TICRR: variants seen among roughly 807,000 people sequenced by gnomAD.
TICRR encodes the protein treslin.
A neutral mutation model predicts 178.1 loss-of-function variants in TICRR; 132 were observed. The ratio of observed to expected loss-of-function variants is 0.74; its 90% CI spans 0.64 to 0.86. TICRR has a LOEUF of 0.86. Among genes scored for constraint, TICRR ranks in the 40% least tolerant of loss-of-function variants. The pLI is 0.00. For missense variants in TICRR, 2,587 were observed against 2,334.3 expected (o/e 1.11, Z -2.23); for synonymous variants, 991 against 900.7 (o/e 1.10, Z -1.79).
At chr15:89,582,428 C>A (rs1962744228) in intron 1 of TICRR, 2 of 401,744 alleles carry the variant, frequency 5.0e-6, no homozygotes, top group East Asian at 4.5e-5. Flanking sequence ...TCTTTCTGTT[C>A]CTTGACAAAA....
At chr15:89,583,813 A>G (rs751232969) in intron 2 of TICRR, among the ~76,000 whole-genome samples, 10 of 149,966 alleles carry the variant, frequency 6.7e-5, no homozygotes, top group Non-Finnish European at 1.3e-4. Context: ...CAGTCTCCCA[A>G]GTAGCTGGGA....
intron 5 of TICRR, among the ~76,000 whole-genome samples, chr15:89,593,664 C>A (rs1193380572): frequency 6.6e-6 from 1 of 152,172 alleles, no homozygotes; most frequent in African/African-American, 2.4e-5. Flanking sequence ...CAAGATCGCG[C>A]CACTGCACTC....
At chr15:89,603,177 CAAT>C (rs1471141005) in intron 13 of TICRR, among the ~76,000 whole-genome samples, 5 of 152,062 alleles carry the variant, frequency 3.3e-5, no homozygotes, top group African/African-American at 9.7e-5. Flanking sequence ...ACTCATAAAA[CAAT>C]AACTAAAATA....
At chr15:89,615,625 T>TA (rs1963323421) in intron 15 of TICRR, among the ~76,000 whole-genome samples, 1 of 152,190 alleles carries the variant, frequency 6.6e-6, no homozygotes, top group Non-Finnish European at 1.5e-5. Context: ...TCACCATTCT[T>TA]ACTGGCATCA....
chr15:89,577,442 C>T (rs751480765), intron 1 of TICRR, among the ~76,000 whole-genome samples: 2 of 152,046 alleles, frequency 1.3e-5, no homozygotes, highest in Non-Finnish European at 2.9e-5. Context: ...GCCTACCACA[C>T]TGTTTGAGCT....
intron 13 of TICRR, among the ~76,000 whole-genome samples, chr15:89,605,924 A>G (rs1257653504): frequency 6.6e-6 from 1 of 152,240 alleles, no homozygotes; most frequent in African/African-American, 2.4e-5. Context: ...TAGCAAGTAC[A>G]TAGCAGTCTG....
rs1963509896 is a variant in TICRR, at chr15:89,625,712, A to G, written c.5402A>G (p.Lys1801Arg). The change falls in exon 20 of 22, where the codon AAG becomes AGG. Residue 1801 changes from lysine (K) to arginine (R), a missense_variant. Coordinates refer to ENST00000268138, the MANE Select transcript of TICRR (RefSeq NM_152259.4). ...CDLREDSEVS[K>R]SKEGSPSWSA... Reference sequence around the variant, plus strand: ...CTGAGAGAAGATTCAGAAGTTAGTAAGAGTAAAGAGGGGTCTCCAAGTTGG... The same window carrying G: ...CTGAGAGAAGATTCAGAAGTTAGTAGGAGTAAAGAGGGGTCTCCAAGTTGG... 4 of 1,612,910 alleles carry G rather than the reference A, an allele frequency of 2.5e-6. No individual in the cohort carries two copies. The highest frequency in any genetic ancestry group is 3.4e-6 in the Non-Finnish European group (4 of 1,179,782).
intron 14 of TICRR, among the ~76,000 whole-genome samples, chr15:89,608,067 G>T (rs946913345): frequency 2.0e-5 from 3 of 152,098 alleles, no homozygotes; most frequent in African/African-American, 7.2e-5. Flanking sequence ...ATCATAACAT[G>T]GGATATATTA....
intron 7 of TICRR, 133 bp downstream of exon 7, chr15:89,595,744 G>A: frequency 1.5e-6 from 1 of 661,026 alleles, no homozygotes. Flanking sequence ...TAAATAATAA[G>A]ATAATGTGCT....
chr15:89,578,491 AG>A (rs1337390539), intron 1 of TICRR, among the ~76,000 whole-genome samples: 2 of 152,224 alleles, frequency 1.3e-5, no homozygotes, highest in Non-Finnish European at 2.9e-5. Context: ...GTCAAGCCTT[AG>A]ACACAGTATA....
At chr15:89,581,793 A>G (rs543227710) in intron 1 of TICRR, among the ~76,000 whole-genome samples, 3 of 152,280 alleles carry the variant, frequency 2.0e-5, no homozygotes, top group Non-Finnish European at 4.4e-5. Context: ...TGACCAGAGA[A>G]GTGATTTGGA....
Position 89,575,548 on chromosome 15 carries a change from G to A in TICRR, c.-39G>A. 6.9e-7 allele frequency: 1 copy of A among 1,443,696 alleles called. No homozygotes were observed. The highest frequency in any genetic ancestry group is 9.0e-7 in the Non-Finnish European group (1 of 1,105,940). 89.4% of individuals were successfully genotyped at this position (1,443,696 alleles called of 1,614,324 possible). A position where few individuals can be genotyped will look rare whatever the true frequency, so the allele number is the denominator to read the frequency against. ...GGAAGGGACTAAGGGACGGTGGCGC[G>A]GGCCCGGACCGGGGCCCCGGGGCGG... On this transcript the variant is annotated 5_prime_UTR_variant, in exon 1 of 22. Transcript: ENST00000268138.
At chr15:89,621,000 C>T (rs1001151084) in intron 18 of TICRR, among the ~76,000 whole-genome samples, 1 of 150,656 alleles carries the variant, frequency 6.6e-6, no homozygotes, top group Non-Finnish European at 1.5e-5. Flanking sequence ...GGATTACAGG[C>T]GTGAGCCACT....
At chr15:89,602,720 T>G in intron 12 of TICRR, 76 bp from the exon 13 acceptor site, 1 of 650,908 alleles carries the variant, frequency 1.5e-6, no homozygotes, top group Non-Finnish European at 2.3e-6. Flanking sequence ...TTATTTTACT[T>G]AGACTCCAGT....
Position 89,618,137 on chromosome 15 carries a change from A to G in TICRR, c.2961-15A>G. ...AAGTGGTATGGAGTAATCCTTGTGC[A>G]TGTGGTTCCTCGAGGTCCTCTGATC... On this transcript the variant is annotated splice_polypyrimidine_tract_variant and intron_variant, in intron 16 of 21. Coordinates refer to ENST00000268138, the MANE Select transcript of TICRR (RefSeq NM_152259.4). 2 of 1,613,798 alleles carry G rather than the reference A, an allele frequency of 1.2e-6. No homozygotes were observed. The highest frequency in any genetic ancestry group is 1.7e-6 in the Non-Finnish European group (2 of 1,179,704).
At chr15:89,594,807 T>G (rs972550808) in intron 6 of TICRR, among the ~76,000 whole-genome samples, 1 of 152,238 alleles carries the variant, frequency 6.6e-6, no homozygotes, top group African/African-American at 2.4e-5. Context: ...TGTGTTCTGC[T>G]TATTAGTATT....
rs962608988 is a variant in TICRR at position 89,621,395 on chromosome 15, C to T, written c.3157C>T (p.Gln1053Ter). 12 of 1,591,294 alleles carry T rather than the reference C, an allele frequency of 7.5e-6. No individual in the cohort carries two copies. The highest frequency in any genetic ancestry group is 9.4e-6 in the Non-Finnish European group (11 of 1,173,802). The stretch of plus-strand genomic sequence containing the variant: ...TTGTTGCTGTTTTTGACTTGCAGAC[C>T]AAAGAGAAAATTCTCCAGTCCAAAG... ...VHSFQQDKSD[Q>*]RENSPVQSIR... Residue 1053 changes from glutamine to a stop codon, truncating the protein, a stop_gained and splice_region_variant, in exon 19 of 22, where the codon CAA (glutamine) becomes TAA (stop). Transcript: ENST00000268138. LOFTEE classifies it high-confidence loss of function.
chr15:89,593,004 C>CCATA (rs1962938655), intron 5 of TICRR, among the ~76,000 whole-genome samples: 1 of 152,194 alleles, frequency 6.6e-6, no homozygotes, highest in Non-Finnish European at 1.5e-5. Context: ...TATAGCAATA[C>CCATA]CATATACTGT....
intron 2 of TICRR, among the ~76,000 whole-genome samples, chr15:89,583,853 ATTTTTGTAT>A (rs1962772959): frequency 6.6e-6 from 1 of 151,916 alleles, no homozygotes. Context: ...CACCTGGCTC[ATTTTTGTAT>A]TTTTTGTAGA....
Sources: allele counts gnomAD v4.1 joint callset (sites outside exome capture counted in the v4.1 genomes callset), GRCh38; gene constraint gnomAD v4.1.1; transcripts MANE v1.5; gene names NCBI Gene and HGNC (gene_info 2026-07-23, HGNC 2026-07-21).